CAPRIN1: variants seen among roughly 807,000 people sequenced by gnomAD.
CAPRIN1 encodes cell cycle associated protein 1, also known as caprin-1.
A neutral mutation model predicts 100.9 loss-of-function variants in CAPRIN1; 29 were observed. That is an observed-to-expected ratio of 0.29 (90% CI 0.21 to 0.39). The LOEUF (loss-of-function observed/expected upper bound fraction) is 0.39. CAPRIN1 is among the 10% of genes least tolerant of loss of function. The pLI is 1.00. For synonymous variants in CAPRIN1, 338 were observed against 307.5 expected, an observed-to-expected ratio of 1.10 and a Z score of -1.04; for missense variants, 795 against 876.7, an observed-to-expected ratio of 0.91 and a Z score of 1.18.
At chr11:34,068,682 TAAAC>T (rs1385905094) in intron 2 of CAPRIN1, among the ~76,000 whole-genome samples, 1 of 152,230 alleles carries the variant, frequency 6.6e-6, no homozygotes, top group Non-Finnish European at 1.5e-5. Flanking sequence ...TTGTTTTCAT[TAAAC>T]AAACTATATG....
intron 15 of CAPRIN1, among the ~76,000 whole-genome samples, chr11:34,094,209 G>A (rs1851321266): frequency 6.6e-6 from 1 of 151,968 alleles, no homozygotes; most frequent in African/African-American, 2.4e-5. Context: ...TGCAGTCTCG[G>A]CTCACTGCAA....
At chr11:34,056,321 A>G (rs1850450374) in intron 2 of CAPRIN1, among the ~76,000 whole-genome samples, 1 of 152,192 alleles carries the variant, frequency 6.6e-6, no homozygotes, top group African/African-American at 2.4e-5. Context: ...GAATTGAAAT[A>G]ATTTTATTGT....
Position 34,052,469 on chromosome 11 carries a change from C to A in CAPRIN1, c.49C>A (p.Pro17Thr), listed in dbSNP as rs1185250576. The change falls in exon 2 of 19, where the codon CCG becomes ACG. Residue 17 changes from proline to threonine, a missense_variant. Transcript: ENST00000341394. ...HSGSGSKSSG[P>T]PPPSGSSGSE... ...CGGGAGCGGCAGCAAGTCGTCCGGA[C>A]CGCCACCGCCGTCGGGTTCCTCCGG... 1 of 1,607,444 alleles carries A rather than the reference C, an allele frequency of 6.2e-7. No individual in the cohort carries two copies. The highest frequency in any genetic ancestry group is 1.3e-5 in the African/African-American group (1 of 74,518).
rs1851421796 is a variant in CAPRIN1 at position 34,099,528 on chromosome 11, C to G, written c.*161C>G. ...AGACAGGACTACAATTGTCAGCTTT[C>G]TATTACCTGGATATGGAAGGAAACT... is the stretch of plus-strand genomic sequence containing the variant. On this transcript the variant is annotated 3_prime_UTR_variant, in exon 19 of 19. Transcript: ENST00000341394. 1 of 640,830 alleles carries G rather than the reference C, an allele frequency of 1.6e-6. No individual in the cohort carries two copies. The highest frequency in any genetic ancestry group is 1.9e-5 in the South Asian group (1 of 53,930). 39.7% of individuals were successfully genotyped at this position (640,830 alleles called of 1,614,324 possible). A position where few individuals can be genotyped will look rare whatever the true frequency, so the allele number is the denominator to read the frequency against.
At chr11:34,057,886 T>C (rs1382602537) in intron 2 of CAPRIN1, among the ~76,000 whole-genome samples, 1 of 148,994 alleles carries the variant, frequency 6.7e-6, no homozygotes, top group Non-Finnish European at 1.5e-5. Context: ...GCCCGGCTAA[T>C]TTTTTATATT....
At position 34,071,889 on chromosome 11, in the gene CAPRIN1, T is replaced by G. The variant is rs762443166; in HGVS notation, c.280-12T>G. On this transcript the variant is annotated splice_polypyrimidine_tract_variant and intron_variant, in intron 3 of 18. Transcript: ENST00000341394. The stretch of plus-strand genomic sequence containing the variant: ...GTCTTTCCAGTAAAGTTTGGGTTCT[T>G]TGTCATTTTAGGATGCCGTTTCTAA... 8.5e-5 allele frequency: 137 copies of G among 1,610,486 alleles called. No homozygotes were observed. Among genetic ancestry groups the G allele is most frequent in the Non-Finnish European group, 1.1e-4 (133 of 1,177,718 alleles).
At chr11:34,063,669 G>T (rs1297150378) in intron 2 of CAPRIN1, among the ~76,000 whole-genome samples, 2 of 152,160 alleles carry the variant, frequency 1.3e-5, no homozygotes, top group African/African-American at 2.4e-5. Context: ...GCTCATATGT[G>T]TGCTGTAAAT....
At position 34,071,651 on chromosome 11, in the gene CAPRIN1, G is replaced by A. The variant is rs1850806119; in HGVS notation, c.217-75G>A. ...TTGAGACAAACTTAGAGGATTGTGA[G>A]GGTTTTGTCAAGCATGCTTAAGCTG... On this transcript the variant is annotated intron_variant, in intron 2 of 18. Coordinates refer to ENST00000341394, the MANE Select transcript of CAPRIN1 (RefSeq NM_005898.5). The A allele has an allele frequency of 4.1e-6, 4 of 966,886 alleles. No individual in the cohort carries two copies. The South Asian group carries it at 4.3e-5, about 10-fold the overall frequency. 59.9% of individuals were successfully genotyped at this position (966,886 alleles called of 1,614,324 possible).
rs954676326 is a variant in CAPRIN1 at position 34,076,194 on chromosome 11, A to G, written c.367-42A>G. On this transcript the variant is annotated intron_variant, in intron 4 of 18. Transcript: ENST00000341394. Reference sequence around the variant, plus strand: ...CCTGAAATGGATTGAACTAAGTTTTATATAACTAATTTTGGTGTTTTACTT... The same window carrying G: ...CCTGAAATGGATTGAACTAAGTTTTGTATAACTAATTTTGGTGTTTTACTT... The G allele has an allele frequency of 2.7e-6, 4 of 1,462,944 alleles. No individual in the cohort carries two copies. The African/African-American group carries it at 5.6e-5, about 21-fold the overall frequency. 90.6% of individuals were successfully genotyped at this position (1,462,944 alleles called of 1,614,324 possible). A position where few individuals can be genotyped will look rare whatever the true frequency, so the allele number is the denominator to read the frequency against.
In CAPRIN1 at chr11:34,086,458, G is replaced by C. The variant is rs1395777065; in HGVS notation, c.1231+45G>C. 4 of 1,085,138 alleles carry C rather than the reference G, an allele frequency of 3.7e-6. No homozygotes were observed. The South Asian group carries it at 5.6e-5, about 15-fold the overall frequency. 67.2% of individuals were successfully genotyped at this position (1,085,138 alleles called of 1,614,324 possible). A position where few individuals can be genotyped will look rare whatever the true frequency, so the allele number is the denominator to read the frequency against. ...TATGTGAGAGAGAAATATAAGGCCA[G>C]TACTTTCAGGTTTTAAAAAGATTGT... On this transcript the variant is annotated intron_variant, in intron 11 of 18. Coordinates refer to ENST00000341394, the MANE Select transcript of CAPRIN1 (RefSeq NM_005898.5).
intron 15 of CAPRIN1, among the ~76,000 whole-genome samples, chr11:34,095,165 G>C (rs1389111218): frequency 4.6e-5 from 7 of 152,048 alleles, no homozygotes; most frequent in Non-Finnish European, 8.8e-5. Flanking sequence ...CAAAGTGCTG[G>C]GATTACCAGT....
In CAPRIN1 at chr11:34,096,601, G is replaced by A. The variant is rs1461217506; in HGVS notation, c.1828G>A (p.Val610Met). ...SNQPYYNSRG[V>M]SRGGSRGARG... ...TCAGCCCTATTACAATAGTCGTGGT[G>A]TGTCTCGTGGAGGCTCCCGTGGTGC... is the stretch of plus-strand genomic sequence containing the variant. The change falls in exon 16 of 19, where the codon GTG becomes ATG. Residue 610 changes from valine (V) to methionine (M), a missense_variant. Coordinates refer to ENST00000341394, the MANE Select transcript of CAPRIN1 (RefSeq NM_005898.5). The A allele has an allele frequency of 1.9e-6, 3 of 1,613,750 alleles. No individual in the cohort carries two copies. The highest frequency in any genetic ancestry group is 1.7e-6 in the Non-Finnish European group (2 of 1,179,830).
chr11:34,061,249 C>T (rs1157015903), intron 2 of CAPRIN1, among the ~76,000 whole-genome samples: 1 of 145,800 alleles, frequency 6.9e-6, no homozygotes, highest in African/African-American at 2.6e-5. Flanking sequence ...TTTTGTTGCC[C>T]AGGCTGGAGT....
chr11:34,067,275 C>T (rs1425806177), intron 2 of CAPRIN1, among the ~76,000 whole-genome samples: 6 of 152,000 alleles, frequency 3.9e-5, no homozygotes, highest in Non-Finnish European at 5.9e-5. Flanking sequence ...CAATTCAGTT[C>T]GCTGGGTATA....
chr11:34,096,683 TAAAA>T lies in CAPRIN1; in HGVS notation c.1900+13_1900+16del. On this transcript the variant is annotated intron_variant, in intron 16 of 18. Transcript: ENST00000341394. ...GCCAATGGATTCAGAGGTAAAAAAA[TAAAA>T]AAGGAGGTTCTAATGACCTTTTACT... 2 of 1,572,736 alleles carry T rather than the reference TAAAA, an allele frequency of 1.3e-6. No individual in the cohort carries two copies. Among genetic ancestry groups the T allele is most frequent in the Non-Finnish European group, 1.7e-6 (2 of 1,155,780 alleles).
At chr11:34,082,798 GT>G (rs1851059909) in intron 7 of CAPRIN1, 26 bp from the exon 8 acceptor site, 1 of 1,602,620 alleles carries the variant, frequency 6.2e-7, no homozygotes, top group African/African-American at 1.3e-5. Context: ...AAATCCTTTT[GT>G]TTTGCACCAT....
At chr11:34,053,872 C>A (rs908828750) in intron 2 of CAPRIN1, among the ~76,000 whole-genome samples, 2 of 152,186 alleles carry the variant, frequency 1.3e-5, no homozygotes, top group African/African-American at 2.4e-5. Context: ...CTGTGACTAT[C>A]ATGTTAACTT....
intron 2 of CAPRIN1, among the ~76,000 whole-genome samples, chr11:34,068,444 A>C (rs532474423): frequency 6.6e-6 from 1 of 152,324 alleles, no homozygotes; most frequent in East Asian, 1.9e-4. Flanking sequence ...GTGAGACTGC[A>C]TGCAGATTTT....
At position 34,097,680 on chromosome 11, in the gene CAPRIN1, A is replaced by T; in HGVS notation, c.2002-18A>T. On this transcript the variant is annotated intron_variant, in intron 17 of 18. Coordinates refer to ENST00000341394, the MANE Select transcript of CAPRIN1 (RefSeq NM_005898.5). ...TTTTAAAAAGTACCTTTTCAATACT[A>T]ACTAGCTTGTCTTTTAGGATGGATA... The T allele has an allele frequency of 1.9e-6, 3 of 1,613,970 alleles. No individual in the cohort carries two copies. Among genetic ancestry groups the T allele is most frequent in the Non-Finnish European group, 2.5e-6 (3 of 1,179,844 alleles).
Sources: allele counts gnomAD v4.1 joint callset (sites outside exome capture counted in the v4.1 genomes callset), GRCh38; gene constraint gnomAD v4.1.1; transcripts MANE v1.5; gene names NCBI Gene and HGNC (gene_info 2026-07-23, HGNC 2026-07-21).